WIZ: variants seen among roughly 807,000 people sequenced by gnomAD.
WIZ encodes the protein protein Wiz.
Under a neutral mutation model 140.2 loss-of-function variants are expected in WIZ, and 25 were observed. That is an observed-to-expected ratio of 0.18 (90% CI 0.13 to 0.25). WIZ has a LOEUF of 0.25. Ranked by LOEUF, WIZ falls within the 10% of genes least tolerant of loss-of-function variation. The probability of loss-of-function intolerance (pLI) is 1.00; values close to 1 mark genes in which losing one functional copy is unlikely to be tolerated. For missense variants in WIZ, 2,231 were observed against 2,632.6 expected (o/e 0.85, Z 3.34); for synonymous variants, 1,125 against 1,154.3 (o/e 0.97, Z 0.51).
chr19:15,428,594 T>C lies in WIZ; in HGVS notation c.3416-86A>G. Reference sequence around the variant, plus strand: ...GAGGTAGGAGGGTCTGGTGTGATTTTTGGCTGCTCAGGCAGTTGGGGGGTC... The same window carrying C: ...GAGGTAGGAGGGTCTGGTGTGATTTCTGGCTGCTCAGGCAGTTGGGGGGTC... On this transcript the variant is annotated intron_variant, in intron 7 of 12. Coordinates refer to ENST00000673675, the MANE Select transcript of WIZ (RefSeq NM_001371589.1). This position sits in a 1 kb window ranked among gnomAD's most constrained non-coding sequence, Gnocchi z 6.4. 1 of 1,509,816 alleles carries C rather than the reference T, an allele frequency of 6.6e-7. No homozygotes were observed. The highest frequency in any genetic ancestry group is 8.9e-7 in the Non-Finnish European group (1 of 1,129,292). The allele number at this position is 1,509,816 out of a possible 1,614,324, so 93.5% of individuals were successfully genotyped here.
rs756042215 is a variant in WIZ, at chr19:15,427,946, G to A, written c.3814+164C>T. Among the ~76,000 whole-genome samples, 15 of 152,178 alleles carry A rather than the reference G, an allele frequency of 9.9e-5. No individual in the cohort carries two copies. Among genetic ancestry groups the A allele is most frequent in the Non-Finnish European group, 2.1e-4 (14 of 68,008 alleles). The stretch of plus-strand genomic sequence containing the variant: ...GTCATGGAGGTCAAAGGCCAAGAGA[G>A]AGGGCCTAGCAGCCCACTGCCAACA... On this transcript the variant is annotated intron_variant, in intron 8 of 12. Coordinates refer to ENST00000673675, the MANE Select transcript of WIZ (RefSeq NM_001371589.1). This position sits in a 1 kb window ranked among gnomAD's most constrained non-coding sequence, Gnocchi z 6.4.
intron 5 of WIZ, chr19:15,432,531 CGGCGGGGGTGGG>C: frequency 6.0e-6 from 1 of 167,752 alleles, no homozygotes; most frequent in Non-Finnish European, 9.9e-6. Flanking sequence ...GTGGCGGCGG[CGGCGGGGGTGGG>C]GGCGGCGGCG....
chr19:15,430,975 G>A, intron 6 of WIZ, 37 bp downstream of exon 6: 1 of 1,493,768 alleles, frequency 6.7e-7, no homozygotes, highest in East Asian at 2.5e-5. Context: ...TAACCAGCCT[G>A]GCCAGCATCC....
chr19:15,424,484 G>T lies in WIZ; in HGVS notation c.5315-106C>A. 6.5e-7 allele frequency: 1 copy of T among 1,528,518 alleles called. No individual in the cohort carries two copies. Among genetic ancestry groups the T allele is most frequent in the Non-Finnish European group, 8.8e-7 (1 of 1,132,320 alleles). The allele number at this position is 1,528,518 out of a possible 1,614,324, so 94.7% of individuals were successfully genotyped here. A position where few individuals can be genotyped will look rare whatever the true frequency, so the allele number is the denominator to read the frequency against. On this transcript the variant is annotated intron_variant, in intron 11 of 12. Transcript: ENST00000673675. This position sits in a 1 kb window ranked among gnomAD's most constrained non-coding sequence, Gnocchi z 9.7. ...ATGCTACCTGGATGGGTGGGATGGG[G>T]GATGGATGGGTGAATGGGTAAGCAA... is the stretch of plus-strand genomic sequence containing the variant.
intron 1 of WIZ, among the ~76,000 whole-genome samples, chr19:15,449,287 T>C (rs911213038): frequency 6.6e-6 from 1 of 151,464 alleles, no homozygotes; most frequent in Non-Finnish European, 1.5e-5. Context: ...TTGCAGGCGC[T>C]GCCCTCGGGG....
intron 2 of WIZ, among the ~76,000 whole-genome samples, chr19:15,446,946 T>C (rs1969940732): frequency 2.6e-5 from 4 of 152,126 alleles, no homozygotes; most frequent in African/African-American, 9.7e-5. Context: ...CAAGGATCTG[T>C]GAGGATGCAG....
chr19:15,440,546 T>C lies in WIZ; in HGVS notation c.448A>G (p.Arg150Gly). The C allele has an allele frequency of 6.5e-7, 1 of 1,536,156 alleles. No homozygotes were observed. Among genetic ancestry groups the C allele is most frequent in the Non-Finnish European group, 8.7e-7 (1 of 1,146,886 alleles). The change falls in exon 4 of 13, where the codon AGA becomes GGA. Residue 150 changes from arginine to glycine, a missense_variant. Around this residue, in one of 15 missense-constraint regions of WIZ, gnomAD observed 307 missense variants for 294.1 expected, o/e 1.04. Transcript: ENST00000673675. This position sits in a 1 kb window ranked among gnomAD's most constrained non-coding sequence, Gnocchi z 6.2. ...ERRFEDSVIV[R>G]TMKPHAELEG... ...AGCTCAGCGTGGGGTTTCATGGTTC[T>C]CACAATGACTGAGTCCTCGAATCTC...
chr19:15,444,965 C>G (rs146090944), intron 2 of WIZ, among the ~76,000 whole-genome samples: 1 of 152,216 alleles, frequency 6.6e-6, no homozygotes, highest in South Asian at 2.1e-4. Flanking sequence ...GCAATTCCAG[C>G]GAGGCTCCTA....
intron 3 of WIZ, among the ~76,000 whole-genome samples, chr19:15,441,354 T>G (rs1306148941): frequency 2.6e-5 from 4 of 152,074 alleles, no homozygotes; most frequent in African/African-American, 9.7e-5. Context: ...AGTTTTCCAA[T>G]CCTGAAATTG....
chr19:15,438,687 C>T lies in WIZ; in HGVS notation c.2307G>A (p.Arg769=). 6.5e-7 allele frequency: 1 copy of T among 1,536,154 alleles called. No individual in the cohort carries two copies. Among genetic ancestry groups the T allele is most frequent in the Non-Finnish European group, 8.7e-7 (1 of 1,146,884 alleles). The change falls in exon 4 of 13, where the codon CGG becomes CGA. Residue 769 remains arginine (R), a synonymous_variant. Transcript: ENST00000673675. ...TGACGCCCACGCGGTTCAGGTGGCC[C>T]CGGACGTGGTTGGCCAAGCCGATGC... is the stretch of plus-strand genomic sequence containing the variant. ...HNGIGLANHV[R]GHLNRVGVSY... is the part of the protein sequence containing the mutation.
chr19:15,438,950 C>G lies in WIZ; in HGVS notation c.2044G>C (p.Val682Leu), dbSNP rs1005880730. Reference sequence around the variant, plus strand: ...AGCTTCGCCACGAGCACAATGGGTACCATCCCTCGGAGCTGCTGCTGCTGC... The same window carrying G: ...AGCTTCGCCACGAGCACAATGGGTAGCATCCCTCGGAGCTGCTGCTGCTGC... ...QGQQQQLRGM[V>L]PIVLVAKLGP... The change falls in exon 4 of 13, where the codon GTA (valine) becomes CTA (leucine). Residue 682 changes from valine to leucine, a missense_variant. Val to Leu is a conservative substitution (Grantham distance 32, BLOSUM62 1). Transcript: ENST00000673675. 5 of 1,450,520 alleles carry G rather than the reference C, an allele frequency of 3.4e-6. No individual in the cohort carries two copies. Among genetic ancestry groups the G allele is most frequent in the Non-Finnish European group, 4.5e-6 (5 of 1,104,064 alleles). 89.9% of individuals were successfully genotyped at this position (1,450,520 alleles called of 1,614,324 possible).
chr19:15,423,587 C>T (rs1309962198), intron 12 of WIZ, among the ~76,000 whole-genome samples: 1 of 151,902 alleles, frequency 6.6e-6, no homozygotes, highest in East Asian at 1.9e-4. Context: ...AGCCCCCCAC[C>T]TCCTCCTGTC....
At chr19:15,448,058 A>G (rs1244233866) in intron 2 of WIZ, 45 bp downstream of exon 2, 3 of 1,604,374 alleles carry the variant, frequency 1.9e-6, no homozygotes, top group Non-Finnish European at 2.6e-6. Context: ...AGCCTTGGGG[A>G]ATGGGCTGGA....
chr19:15,424,741 A>T lies in WIZ; in HGVS notation c.5186T>A (p.Val1729Asp). 1 of 1,571,342 alleles carries T rather than the reference A, an allele frequency of 6.4e-7. No homozygotes were observed. Among genetic ancestry groups the T allele is most frequent in the South Asian group, 1.2e-5 (1 of 86,770 alleles). ...LGLAPGGLAV[V>D]GRSAGGEPGP... ...TGGCTCCCCTCCGGCACTGCGGCCG[A>T]CCACGGCCAGGCCCCCGGGTGCCAG... Residue 1729 changes from valine to aspartate, a missense_variant, in exon 11 of 13, where the codon GTC becomes GAC. Val to Asp is a radical substitution (Grantham distance 152). Coordinates refer to ENST00000673675, the MANE Select transcript of WIZ (RefSeq NM_001371589.1). The surrounding 1 kb of genome is among the most constrained non-coding windows in gnomAD (Gnocchi z 9.7).
intron 5 of WIZ, among the ~76,000 whole-genome samples, chr19:15,433,731 G>A (rs1969404697): frequency 6.6e-6 from 1 of 152,214 alleles, no homozygotes; most frequent in Non-Finnish European, 1.5e-5. Flanking sequence ...TGCCTGGGGA[G>A]CAGCCTTTAG....
In WIZ at chr19:15,424,780, C is replaced by T. The variant is rs749778110; in HGVS notation, c.5147G>A (p.Arg1716Gln). 3.8e-6 allele frequency: 6 copies of T among 1,591,292 alleles called. No individual in the cohort carries two copies. The highest frequency in any genetic ancestry group is 1.3e-5 in the African/African-American group (1 of 74,494). The change falls in exon 11 of 13, where the codon CGG becomes CAG. Residue 1716 changes from arginine to glutamine, a missense_variant. By Grantham distance (43) the Arg-to-Gln change is conservative. Coordinates refer to ENST00000673675, the MANE Select transcript of WIZ (RefSeq NM_001371589.1). This position sits in a 1 kb window ranked among gnomAD's most constrained non-coding sequence, Gnocchi z 9.7. ...CCCGGGTGCCAGCCCCAGGGACGGC[C>T]GCTTGTCACTGTCACGGCCATGGCC... is the stretch of plus-strand genomic sequence containing the variant. ...SAGHGRDSDK[R>Q]PSLGLAPGGL...
In WIZ at chr19:15,424,811, T is replaced by C. The variant is rs764948033; in HGVS notation, c.5116A>G (p.Ser1706Gly). ...TCACTGTCACGGCCATGGCCGGCAC[T>C]GCGGAACTTCTTGGTGAAGGGGCGG... ...GGRPFTKKFR[S>G]AGHGRDSDKR... The change falls in exon 11 of 13, where the codon AGT (serine) becomes GGT (glycine). Residue 1706 changes from serine to glycine, a missense_variant. Ser to Gly is a moderately conservative substitution (Grantham distance 56). Coordinates refer to ENST00000673675, the MANE Select transcript of WIZ (RefSeq NM_001371589.1). This position sits in a 1 kb window ranked among gnomAD's most constrained non-coding sequence, Gnocchi z 9.7. The C allele has an allele frequency of 6.2e-6, 10 of 1,607,408 alleles. No individual in the cohort carries two copies. Among genetic ancestry groups the C allele is most frequent in the African/African-American group, 1.3e-5 (1 of 74,988 alleles).
chr19:15,440,404 T>G lies in WIZ; in HGVS notation c.590A>C (p.Gln197Pro). The part of the protein sequence containing the change: ...LQDEDEQGSP[Q>P]DAGLHLDLPA... ...CAGGTCCAAGTGCAGCCCTGCGTCCTGGGGGGATCCCTGCTCGTCCTCATC... is the reference window on the plus strand; with the variant it reads ...CAGGTCCAAGTGCAGCCCTGCGTCCGGGGGGGATCCCTGCTCGTCCTCATC... The change falls in exon 4 of 13, where the codon CAG becomes CCG. Residue 197 changes from glutamine (Q) to proline (P), a missense_variant. By Grantham distance (76) the Gln-to-Pro change is moderately conservative. Around this residue, in one of 15 missense-constraint regions of WIZ, gnomAD observed 307 missense variants for 294.1 expected, o/e 1.04. Coordinates refer to ENST00000673675, the MANE Select transcript of WIZ (RefSeq NM_001371589.1). This position sits in a 1 kb window ranked among gnomAD's most constrained non-coding sequence, Gnocchi z 6.2. 2 of 1,535,680 alleles carry G rather than the reference T, an allele frequency of 1.3e-6. No individual in the cohort carries two copies. Among genetic ancestry groups the G allele is most frequent in the Non-Finnish European group, 1.7e-6 (2 of 1,146,658 alleles).
At chr19:15,444,157 A>G (rs1369498756) in intron 2 of WIZ, among the ~76,000 whole-genome samples, 1 of 152,230 alleles carries the variant, frequency 6.6e-6, no homozygotes, top group Non-Finnish European at 1.5e-5. Flanking sequence ...AAAAAGGGAT[A>G]GGGCTGGGGC....
Sources: allele counts gnomAD v4.1 joint callset (sites outside exome capture counted in the v4.1 genomes callset), GRCh38; gene constraint gnomAD v4.1.1; regional missense constraint gnomAD v4.1.1; non-coding constraint Gnocchi (gnomAD v3.1); transcripts MANE v1.5; gene names NCBI Gene and HGNC (gene_info 2026-07-23, HGNC 2026-07-21).